The following TNRC6A variants were observed in gnomAD, a reference collection of about 807,000 sequenced individuals.
TNRC6A encodes trinucleotide repeat-containing gene 6A protein.
TNRC6A carries 44 observed loss-of-function variants against 221.2 expected under a neutral mutation model. The ratio of observed to expected loss-of-function variants is 0.20; its 90% CI spans 0.16 to 0.26. TNRC6A has a LOEUF of 0.26. Among genes scored for constraint, TNRC6A ranks in the 10% least tolerant of loss-of-function variants. The probability of loss-of-function intolerance (pLI) is 1.00; values close to 1 mark genes in which losing one functional copy is unlikely to be tolerated. For missense variants in TNRC6A, 2,199 were observed against 2,404.4 expected (o/e 0.91, Z 1.79); for synonymous variants, 847 against 838.5 (o/e 1.01, Z -0.18).
rs376736628 is a variant in TNRC6A at position 24,746,859 on chromosome 16, G to T, written c.54-3867G>T. Among the ~76,000 whole-genome samples, 3 of 152,184 alleles carry T rather than the reference G, an allele frequency of 2.0e-5. No individual in the cohort carries two copies. The East Asian group carries it at 5.8e-4, about 29-fold the overall frequency. On this transcript the variant is annotated intron_variant, in intron 2 of 24. Transcript: ENST00000395799. Reference sequence around the variant, plus strand: ...TAGGAAGGGGCATTCTACCTCCAAGGTGTACCCTGCTCCCTTGATAGGCCC... The same window carrying T: ...TAGGAAGGGGCATTCTACCTCCAAGTTGTACCCTGCTCCCTTGATAGGCCC...
chr16:24,662,342 G>C (rs1224408973), intron 2 of TNRC6A: 1 of 151,944 alleles, frequency 6.6e-6, no homozygotes, highest in African/African-American at 2.4e-5. Flanking sequence ...AAGTTAGCCA[G>C]GCGTGGTGGC....
intron 2 of TNRC6A, among the ~76,000 whole-genome samples, chr16:24,707,645 A>C (rs561766366): frequency 6.6e-6 from 1 of 152,306 alleles, no homozygotes; most frequent in Admixed American, 6.5e-5. Flanking sequence ...TGTAGCTCAC[A>C]AAAAAAGAAA....
chr16:24,775,068 G>C (rs896093308), intron 4 of TNRC6A, among the ~76,000 whole-genome samples: 1 of 152,112 alleles, frequency 6.6e-6, no homozygotes, highest in Non-Finnish European at 1.5e-5. Context: ...TCTTCCTTAG[G>C]TTTCAGAGGT....
Position 24,790,488 on chromosome 16 carries a change from G to T in TNRC6A, c.1846G>T (p.Glu616Ter). 6.2e-7 allele frequency: 1 copy of T among 1,614,246 alleles called. No homozygotes were observed. The highest frequency in any genetic ancestry group is 8.5e-7 in the Non-Finnish European group (1 of 1,180,038). Reference sequence around the variant, plus strand: ...CACTGGCACTAATTTACCCAGCGTTGAGTGGAACAAACTGCCTAGCAATCA... The same window carrying T: ...CACTGGCACTAATTTACCCAGCGTTTAGTGGAACAAACTGCCTAGCAATCA... ...QNTGTNLPSV[E>*]WNKLPSNQHS... The change falls in exon 6 of 25, where the codon GAG becomes TAG. Residue 616 changes from glutamate (E) to a stop codon, truncating the protein, a stop_gained. Coordinates refer to ENST00000395799, the MANE Select transcript of TNRC6A (RefSeq NM_014494.4). LOFTEE classifies it high-confidence loss of function.
chr16:24,634,028 C>G (rs897311034), intron 1 of TNRC6A, among the ~76,000 whole-genome samples: 1 of 152,036 alleles, frequency 6.6e-6, no homozygotes, highest in Non-Finnish European at 1.5e-5. Flanking sequence ...GTGATCCTCC[C>G]GCTTCAGCCC....
At chr16:24,805,373 A>G in intron 14 of TNRC6A, 1 of 926,714 alleles carries the variant, frequency 1.1e-6, no homozygotes, top group Non-Finnish European at 1.6e-6. Context: ...TCTTGAGAGT[A>G]GGACAAAAGC....
intron 2 of TNRC6A, among the ~76,000 whole-genome samples, chr16:24,690,538 T>C (rs2055734879): frequency 6.6e-6 from 1 of 152,090 alleles, no homozygotes; most frequent in Non-Finnish European, 1.5e-5. Context: ...CATGAAAACA[T>C]CTGTTCACAA....
rs1322210463 is a variant in TNRC6A, at chr16:24,790,407, G to A, written c.1765G>A (p.Gly589Arg). 1 of 1,614,104 alleles carries A rather than the reference G, an allele frequency of 6.2e-7. No homozygotes were observed. Among genetic ancestry groups the A allele is most frequent in the Non-Finnish European group, 8.5e-7 (1 of 1,180,048 alleles). ...CTCCCAGAGTACATCATGGGGAAGT[G>A]GAAATGGCGCAAATTCTGGAGGAAG... ...ANSQSTSWGS[G>R]NGANSGGSRR... Residue 589 changes from glycine to arginine, a missense_variant, in exon 6 of 25, where the codon GGA (glycine) becomes AGA (arginine). Gly to Arg is a moderately radical substitution (Grantham distance 125). This residue lies in a region of TNRC6A where 1,405 missense variants were observed against 1,400.2 expected (regional missense o/e 1.00). Coordinates refer to ENST00000395799, the MANE Select transcript of TNRC6A (RefSeq NM_014494.4).
intron 1 of TNRC6A, among the ~76,000 whole-genome samples, chr16:24,634,239 C>G (rs1198447637): frequency 6.6e-6 from 1 of 152,036 alleles, no homozygotes; most frequent in African/African-American, 2.4e-5. Context: ...CCAGCCTAAA[C>G]TACATGGCAA....
intron 1 of TNRC6A, among the ~76,000 whole-genome samples, chr16:24,617,327 C>T (rs1013026874): frequency 6.6e-6 from 1 of 152,092 alleles, no homozygotes; most frequent in African/African-American, 2.4e-5. Flanking sequence ...CTGGGTCTCA[C>T]TACGTTGCCC....
At chr16:24,775,417 A>ATATAT (rs1410746846) in intron 4 of TNRC6A, among the ~76,000 whole-genome samples, 1 of 152,194 alleles carries the variant, frequency 6.6e-6, no homozygotes, top group Non-Finnish European at 1.5e-5. Flanking sequence ...GGCTAAGATC[A>ATATAT]TATATTATAT....
chr16:24,736,776 A>G (rs2056778494), intron 2 of TNRC6A, among the ~76,000 whole-genome samples: 1 of 152,200 alleles, frequency 6.6e-6, no homozygotes, highest in South Asian at 2.1e-4. Flanking sequence ...TGTTTCTTTC[A>G]TTTTAGGAAA....
At chr16:24,753,766 T>C (rs1305844249) in intron 3 of TNRC6A, among the ~76,000 whole-genome samples, 1 of 152,250 alleles carries the variant, frequency 6.6e-6, no homozygotes, top group Non-Finnish European at 1.5e-5. Flanking sequence ...CTCACTACAG[T>C]AAAAAGTATT....
chr16:24,642,181 C>T (rs775659996), intron 2 of TNRC6A, among the ~76,000 whole-genome samples: 6 of 152,174 alleles, frequency 3.9e-5, no homozygotes, highest in Non-Finnish European at 7.3e-5. Flanking sequence ...GGGAGGGGCT[C>T]TCAGCAAAGG....
At chr16:24,739,861 AC>A (rs1486510612) in intron 2 of TNRC6A, among the ~76,000 whole-genome samples, 21 of 152,088 alleles carry the variant, frequency 1.4e-4, no homozygotes, top group African/African-American at 4.6e-4. Context: ...TTTTTCTGTT[AC>A]TTGTGTTGTT....
intron 5 of TNRC6A, among the ~76,000 whole-genome samples, chr16:24,787,617 CT>C (rs1472834851): frequency 6.6e-6 from 1 of 152,128 alleles, no homozygotes; most frequent in Non-Finnish European, 1.5e-5. Context: ...GGCAAATCTT[CT>C]TTGGCAGCTT....
chr16:24,791,706 T>G lies in TNRC6A; in HGVS notation c.3064T>G (p.Trp1022Gly). 2 of 1,613,706 alleles carry G rather than the reference T, an allele frequency of 1.2e-6. No individual in the cohort carries two copies. Among genetic ancestry groups the G allele is most frequent in the Non-Finnish European group, 1.7e-6 (2 of 1,179,870 alleles). ...SKYNYKNVNM[W>G]NKNVPNGNSR... The stretch of plus-strand genomic sequence containing the variant: ...ATACAACTACAAAAATGTGAACATG[T>G]GGAACAAAAACGTCCCAAATGGCAA... The change falls in exon 6 of 25, where the codon TGG (tryptophan) becomes GGG (glycine). Residue 1022 changes from tryptophan to glycine, a missense_variant. Trp to Gly is a radical substitution (Grantham distance 184, BLOSUM62 -2). Transcript: ENST00000395799.
intron 4 of TNRC6A, among the ~76,000 whole-genome samples, chr16:24,767,995 T>C (rs2057509185): frequency 6.6e-6 from 1 of 152,234 alleles, no homozygotes; most frequent in Non-Finnish European, 1.5e-5. Context: ...TGTTTTTAAA[T>C]ATATGGATTC....
At chr16:24,757,498 CTG>C (rs2057277588) in intron 3 of TNRC6A, among the ~76,000 whole-genome samples, 1 of 152,122 alleles carries the variant, frequency 6.6e-6, no homozygotes, top group Non-Finnish European at 1.5e-5. Context: ...GTTCTTGTAT[CTG>C]TTATTTTCAG....
Sources: allele counts gnomAD v4.1 joint callset (sites outside exome capture counted in the v4.1 genomes callset), GRCh38; gene constraint gnomAD v4.1.1; regional missense constraint gnomAD v4.1.1; transcripts MANE v1.5; gene names NCBI Gene and HGNC (gene_info 2026-07-23, HGNC 2026-07-21).